GFPT2: variants seen among roughly 807,000 people sequenced by gnomAD.
The protein encoded by GFPT2 is glutamine--fructose-6-phosphate transaminase 2.
Under a neutral mutation model 85.6 loss-of-function variants are expected in GFPT2, and 62 were observed. That is an observed-to-expected ratio of 0.72 (90% CI 0.59 to 0.90). The LOEUF (loss-of-function observed/expected upper bound fraction) is 0.90, where lower values mean the gene tolerates loss of function less well. Among genes scored for constraint, GFPT2 ranks in the 40% least tolerant of loss-of-function variants. The probability of loss-of-function intolerance (pLI) is 0.00; values close to 1 mark genes in which losing one functional copy is unlikely to be tolerated. For missense variants in GFPT2, 788 were observed against 893.4 expected (o/e 0.88, Z 1.50); for synonymous variants, 368 against 344.5 (o/e 1.07, Z -0.75).
intron 9 of GFPT2, among the ~76,000 whole-genome samples, chr5:180,320,758 C>T: frequency 6.6e-6 from 1 of 152,146 alleles, no homozygotes; most frequent in Non-Finnish European, 1.5e-5. Flanking sequence ...CAGAGCAAGA[C>T]TCCGTCTCAA....
rs146950102 is a variant in GFPT2 at position 180,330,350 on chromosome 5, C to T, written c.534+350G>A. 2.7e-4 allele frequency among the ~76,000 whole-genome samples: 41 copies of T among 152,214 alleles called. No individual in the cohort carries two copies. The highest frequency in any genetic ancestry group is 8.7e-4 in the African/African-American group (36 of 41,542). On this transcript the variant is annotated intron_variant, in intron 6 of 18. Transcript: ENST00000253778. The surrounding 1 kb of genome is among the most constrained non-coding windows in gnomAD (Gnocchi z 4.4). ...AAAGAAAAACCTAGAAACACATCCT[C>T]GCTTGGTACCACAACTCTCTCTGCA...
intron 14 of GFPT2, among the ~76,000 whole-genome samples, chr5:180,313,172 T>C (rs539778317): frequency 1.0e-3 from 158 of 151,930 alleles, no homozygotes; most frequent in Non-Finnish European, 2.1e-3. Context: ...AGTGCTGGGA[T>C]TCCAGGGGGG....
In GFPT2 at chr5:180,346,802, C is replaced by G. The variant is rs185478292; in HGVS notation, c.7+6409G>C. 2.9e-3 allele frequency among the ~76,000 whole-genome samples: 442 copies of G among 152,354 alleles called. 5 individuals are homozygous for G. The highest frequency in any genetic ancestry group is 0.01 in the African/African-American group (419 of 41,580). On this transcript the variant is annotated intron_variant, in intron 1 of 18. Coordinates refer to ENST00000253778, the MANE Select transcript of GFPT2 (RefSeq NM_005110.4). Reference sequence around the variant, plus strand: ...TTTCAAGGCATCTGTCACTTTCTACCTTGATCTACTGCTCTTTCCTAGCCT... The same window carrying G: ...TTTCAAGGCATCTGTCACTTTCTACGTTGATCTACTGCTCTTTCCTAGCCT...
In GFPT2 at chr5:180,328,334, C is replaced by T. The variant is rs1764248965; in HGVS notation, c.539G>A (p.Gly180Asp). Reference protein sequence around the residue: ...LVERVIQQLEGAFALVFKSVH... With the variant: ...LVERVIQQLEDAFALVFKSVH... ...ACTCTTGAAAACCAGCGCGAATGCA[C>T]CTTCCTGAAAACACACAAACAGTGA... Residue 180 changes from glycine to aspartate, a missense_variant, in exon 7 of 19, where the codon GGT (glycine) becomes GAT (aspartate). Transcript: ENST00000253778. The surrounding 1 kb of genome is among the most constrained non-coding windows in gnomAD (Gnocchi z 5.4). 1.9e-6 allele frequency: 3 copies of T among 1,612,706 alleles called. No individual in the cohort carries two copies. The highest frequency in any genetic ancestry group is 1.7e-5 in the Admixed American group (1 of 60,004).
intron 1 of GFPT2, among the ~76,000 whole-genome samples, chr5:180,350,163 T>C (rs544721887): frequency 6.6e-6 from 1 of 152,172 alleles, no homozygotes; most frequent in South Asian, 2.1e-4. Flanking sequence ...CAGAGTCCCA[T>C]GAGTGAGGGA....
intron 9 of GFPT2, 150 bp from the exon 10 acceptor site, chr5:180,319,106 A>T (rs1581375804): frequency 1.5e-6 from 1 of 669,070 alleles, no homozygotes. Context: ...TTGCAGGTGA[A>T]TCTTCCTTTT....
chr5:180,316,686 A>G (rs1581374041), intron 12 of GFPT2, 78 bp downstream of exon 12: 2 of 1,072,204 alleles, frequency 1.9e-6, no homozygotes, highest in East Asian at 5.0e-5. Context: ...TCAGAAGGCC[A>G]CATGAGTGAT....
At chr5:180,341,235 T>C (rs1222689727) in intron 1 of GFPT2, among the ~76,000 whole-genome samples, 1 of 152,180 alleles carries the variant, frequency 6.6e-6, no homozygotes, top group Non-Finnish European at 1.5e-5. Flanking sequence ...TTCCCAACTA[T>C]GTTTTGCTGG....
At chr5:180,341,166 T>TC (rs1317689258) in intron 1 of GFPT2, among the ~76,000 whole-genome samples, 2 of 152,070 alleles carry the variant, frequency 1.3e-5, no homozygotes, top group African/African-American at 4.8e-5. Flanking sequence ...ACTTAAACAC[T>TC]CCTACCCACT....
chr5:180,336,159 T>G, intron 3 of GFPT2: 1 of 568,176 alleles, frequency 1.8e-6, no homozygotes, highest in South Asian at 2.4e-5. Context: ...GCTCACTTCT[T>G]CACAGAAATA....
intron 10 of GFPT2, among the ~76,000 whole-genome samples, chr5:180,317,576 A>ATG (rs1561875805): frequency 2.1e-5 from 3 of 145,738 alleles, no homozygotes; most frequent in Non-Finnish European, 4.4e-5. Context: ...CGGCTAAAAC[A>ATG]GTGAAACCCC....
Position 180,316,958 on chromosome 5 carries a change from A to C in GFPT2, c.1054+5T>G, listed in dbSNP as rs577815270. 6 of 1,590,364 alleles carry C rather than the reference A, an allele frequency of 3.8e-6. No individual in the cohort carries two copies. The African/African-American group carries it at 8.0e-5, about 21-fold the overall frequency. Reference sequence around the variant, plus strand: ...CGGAGGCTCCCCACCGAGTGTAGGAATTACCTGTGTTGGTTTCAAAATTCA... The same window carrying C: ...CGGAGGCTCCCCACCGAGTGTAGGACTTACCTGTGTTGGTTTCAAAATTCA... On this transcript the variant is annotated splice_donor_5th_base_variant and intron_variant, in intron 11 of 18. Transcript: ENST00000253778.
At chr5:180,326,723 T>G (rs924453054) in intron 7 of GFPT2, among the ~76,000 whole-genome samples, 15 of 152,214 alleles carry the variant, frequency 9.9e-5, no homozygotes, top group Non-Finnish European at 1.5e-5. Flanking sequence ...GGATATCTAA[T>G]TTTCTTGGCA....
chr5:180,331,845 C>T (rs1033248672), intron 4 of GFPT2, among the ~76,000 whole-genome samples: 78 of 152,142 alleles, frequency 5.1e-4, no homozygotes, highest in Admixed American at 5.0e-3. Flanking sequence ...AGAGAGCTCT[C>T]CCCTGTGCGC....
chr5:180,303,217 C>G (rs60059317), intron 17 of GFPT2, among the ~76,000 whole-genome samples: 8,639 of 143,612 alleles, frequency 0.06, 753 homozygotes, highest in African/African-American at 0.2. Flanking sequence ...GCGACAGAGC[C>G]AGACTCCGTC....
rs1763662175 is a variant in GFPT2 at position 180,300,930 on chromosome 5, A to G, written c.*634T>C. 6.5e-6 allele frequency: 1 copy of G among 152,734 alleles called. No homozygotes were observed. Among genetic ancestry groups the G allele is most frequent in the Admixed American group, 6.5e-5 (1 of 15,296 alleles). 9.5% of individuals were successfully genotyped at this position (152,734 alleles called of 1,614,324 possible). Reference sequence around the variant, plus strand: ...GGGATGTGGGCCACACACGAGAAGAAAATGTTGAAGGAGGCTGAGATTTCA... The same window carrying G: ...GGGATGTGGGCCACACACGAGAAGAGAATGTTGAAGGAGGCTGAGATTTCA... On this transcript the variant is annotated 3_prime_UTR_variant, in exon 19 of 19. Coordinates refer to ENST00000253778, the MANE Select transcript of GFPT2 (RefSeq NM_005110.4).
Position 180,328,210 on chromosome 5 carries a change from C to T in GFPT2, c.596+67G>A. 1.7e-6 allele frequency: 2 copies of T among 1,198,050 alleles called. No homozygotes were observed. The highest frequency in any genetic ancestry group is 2.5e-6 in the Non-Finnish European group (2 of 800,822). 74.2% of individuals were successfully genotyped at this position (1,198,050 alleles called of 1,614,324 possible). A position where few individuals can be genotyped will look rare whatever the true frequency, so the allele number is the denominator to read the frequency against. On this transcript the variant is annotated intron_variant, in intron 7 of 18. Transcript: ENST00000253778. This position sits in a 1 kb window ranked among gnomAD's most constrained non-coding sequence, Gnocchi z 5.4. The stretch of plus-strand genomic sequence containing the variant: ...GTGCCACAGGCCCTACCTCTCCCGT[C>T]TCCCTCCAGCTAAGTGATTTTATTT...
At chr5:180,308,126 G>A (rs1469779633) in intron 15 of GFPT2, among the ~76,000 whole-genome samples, 1 of 151,970 alleles carries the variant, frequency 6.6e-6, no homozygotes, top group Non-Finnish European at 1.5e-5. Context: ...CATGGTGGCG[G>A]GCGCCTGTAG....
At chr5:180,312,708 C>T (rs1197523799) in intron 14 of GFPT2, among the ~76,000 whole-genome samples, 164 bp from the exon 15 acceptor site, 1 of 152,134 alleles carries the variant, frequency 6.6e-6, no homozygotes. Context: ...CTCAGCCTCC[C>T]GAGTAACTGG....
Sources: allele counts gnomAD v4.1 joint callset (sites outside exome capture counted in the v4.1 genomes callset), GRCh38; gene constraint gnomAD v4.1.1; non-coding constraint Gnocchi (gnomAD v3.1); transcripts MANE v1.5; gene names NCBI Gene and HGNC (gene_info 2026-07-23, HGNC 2026-07-21).